PRRT2: variants seen among roughly 807,000 people sequenced by gnomAD.
The protein encoded by PRRT2 is proline rich transmembrane protein 2.
Under a neutral mutation model 24.7 loss-of-function variants are expected in PRRT2, and 9 were observed. The observed-to-expected ratio is 0.36, with a 90% CI of 0.22 to 0.64. PRRT2 has a LOEUF of 0.64. Ranked by LOEUF, PRRT2 falls within the 30% of genes least tolerant of loss-of-function variation. PRRT2 has a pLI of 0.65. For missense variants in PRRT2, 460 were observed against 435.0 expected, an observed-to-expected ratio of 1.06 and a Z score of -0.51; for synonymous variants, 195 against 175.5, an observed-to-expected ratio of 1.11 and a Z score of -0.88.
chr16:29,814,547 C>CCTGT lies in PRRT2; in HGVS notation c.1013-75_1013-72dup. On this transcript the variant is annotated intron_variant, in intron 3 of 3. Coordinates refer to ENST00000358758, the MANE Select transcript of PRRT2 (RefSeq NM_145239.3). This position sits in a 1 kb window ranked among gnomAD's most constrained non-coding sequence, Gnocchi z 4.1. The stretch of plus-strand genomic sequence containing the variant: ...TTACTAACCCCTGCCCCTGCTCTCT[C>CCTGT]CTGTCTGTCCTCCTTACCTCTCCTT... 1 of 1,610,716 alleles carries CCTGT rather than the reference C, an allele frequency of 6.2e-7. No homozygotes were observed. The highest frequency in any genetic ancestry group is 8.5e-7 in the Non-Finnish European group (1 of 1,178,178).
Position 29,813,357 on chromosome 16 carries a change from C to T in PRRT2, c.303C>T (p.Pro101=), listed in dbSNP as rs570325174. ...GGGAATCAAAGGCCAACTGCAGCCC[C>T]GAAGACCCATGCCAAGAAACAGTGT... ...PGGESKANCS[P]EDPCQETVSK... The change falls in exon 2 of 4, where the codon CCC becomes CCT. Residue 101 remains proline, a synonymous_variant. Coordinates refer to ENST00000358758, the MANE Select transcript of PRRT2 (RefSeq NM_145239.3). The T allele has an allele frequency of 2.9e-5, 46 of 1,613,970 alleles. No homozygotes were observed. The highest frequency in any genetic ancestry group is 4.0e-5 in the African/African-American group (3 of 74,888).
chr16:29,812,978 C>T lies in PRRT2; in HGVS notation c.-65-12C>T, dbSNP rs1046369752. The T allele has an allele frequency of 1.4e-6, 2 of 1,479,432 alleles. No individual in the cohort carries two copies. The highest frequency in any genetic ancestry group is 2.7e-5 in the South Asian group (2 of 74,694). 91.6% of individuals were successfully genotyped at this position (1,479,432 alleles called of 1,614,324 possible). A position where few individuals can be genotyped will look rare whatever the true frequency, so the allele number is the denominator to read the frequency against. ...TCCCTCCTCACCCCAAGCCTATCTCCTCCTCTTCCAGGGTTTGCCGCTGTC... is the reference window on the plus strand; with the variant it reads ...TCCCTCCTCACCCCAAGCCTATCTCTTCCTCTTCCAGGGTTTGCCGCTGTC... On this transcript the variant is annotated splice_polypyrimidine_tract_variant and intron_variant, in intron 1 of 3. Transcript: ENST00000358758.
At position 29,814,616 on chromosome 16, in the gene PRRT2, C is replaced by T. The variant is rs765953118; in HGVS notation, c.1013-12C>T. ...CCTCCCCCCGTCTGTCCTTCCCTCT[C>T]CTCTCCCACAGTGTATAAGTGAGGG... On this transcript the variant is annotated splice_polypyrimidine_tract_variant and intron_variant, in intron 3 of 3. Transcript: ENST00000358758. The surrounding 1 kb of genome is among the most constrained non-coding windows in gnomAD (Gnocchi z 4.1). 1 of 1,612,908 alleles carries T rather than the reference C, an allele frequency of 6.2e-7. No homozygotes were observed. Among genetic ancestry groups the T allele is most frequent in the Non-Finnish European group, 8.5e-7 (1 of 1,179,206 alleles).
rs1379925566 is a variant in PRRT2, at chr16:29,813,909, C to T, written c.855C>T (p.Ile285=). 9.4e-6 allele frequency: 15 copies of T among 1,602,470 alleles called. No homozygotes were observed. The highest frequency in any genetic ancestry group is 1.7e-5 in the Admixed American group (1 of 58,372). Residue 285 remains isoleucine, a synonymous_variant, in exon 2 of 4, where the codon ATC becomes ATT. Transcript: ENST00000358758. ...TCTGCCCCATGTGGCCTGTCAACAT[C>T]GTGGCCTTCGCTTATGCTGTCATGG... ...SCFCPMWPVN[I]VAFAYAVMSR... is the part of the protein sequence containing the mutation.
rs139516010 is a variant in PRRT2, at chr16:29,813,634, G to A, written c.580G>A (p.Glu194Lys). 265 of 1,613,070 alleles carry A rather than the reference G, an allele frequency of 1.6e-4. 1 individual carries two copies. The highest frequency in any genetic ancestry group is 2.1e-4 in the Non-Finnish European group (251 of 1,179,622). The change falls in exon 2 of 4, where the codon GAG becomes AAG. Residue 194 changes from glutamate (E) to lysine (K), a missense_variant. By Grantham distance (56) the Glu-to-Lys change is moderately conservative. Transcript: ENST00000358758. ...GCCCCTGCAGGCTGGTGATGGGGAA[G>A]AGGGCCCAGCCCCTGAGCCTCACTC... ...VVPLQAGDGE[E>K]GPAPEPHSPP... is the part of the protein sequence containing the mutation.
chr16:29,812,598 G>A lies in PRRT2; in HGVS notation c.-66+275G>A, dbSNP rs149664682. On this transcript the variant is annotated intron_variant, in intron 1 of 3. Coordinates refer to ENST00000358758, the MANE Select transcript of PRRT2 (RefSeq NM_145239.3). ...AAAACCCGCACCGCCTGGGAGCCCAGGGAGGAGGGGAGGATGCAGAGGGAG... is the reference window on the plus strand; with the variant it reads ...AAAACCCGCACCGCCTGGGAGCCCAAGGAGGAGGGGAGGATGCAGAGGGAG... The A allele has an allele frequency of 9.0e-3, 1,389 of 154,794 alleles. 21 individuals are homozygous for A. The highest frequency in any genetic ancestry group is 0.031 in the African/African-American group (1,307 of 41,622). The allele number at this position is 154,794 out of a possible 1,614,324, so 9.6% of individuals were successfully genotyped here. A position where few individuals can be genotyped will look rare whatever the true frequency, so the allele number is the denominator to read the frequency against.
rs866838115 is a variant in PRRT2 at position 29,814,385 on chromosome 16, G to A, written c.932G>A (p.Arg311Gln). The change falls in exon 3 of 4, where the codon CGG (arginine) becomes CAG (glutamine). Residue 311 changes from arginine (R) to glutamine (Q), a missense_variant. This residue lies in a region of PRRT2 where 64 missense variants were observed against 71.2 expected (regional missense o/e 0.90). Transcript: ENST00000358758. The surrounding 1 kb of genome is among the most constrained non-coding windows in gnomAD (Gnocchi z 4.1). ...GTGGACGGGGCCCAGCGTCTGGGCC[G>A]GGTAGCCAAGCTCTTAAGCATCGTG... ...GDVDGAQRLG[R>Q]VAKLLSIVAL... 1.2e-5 allele frequency: 19 copies of A among 1,610,784 alleles called. No homozygotes were observed. Among genetic ancestry groups the A allele is most frequent in the Admixed American group, 5.0e-5 (3 of 59,740 alleles).
rs1301400509 is a variant in PRRT2, at chr16:29,814,412, C to T, written c.959C>T (p.Ala320Val). ...GRVAKLLSIV[A>V]LVGGVLIIIA... ...GTAGCCAAGCTCTTAAGCATCGTGG[C>T]GCTGGTGGGGGGAGTCCTCATCATC... Residue 320 changes from alanine to valine, a missense_variant, in exon 3 of 4, where the codon GCG (alanine) becomes GTG (valine). Physicochemically the swap from Ala to Val is moderately conservative, Grantham distance 64 (BLOSUM62 0). Around this residue, in one of 3 missense-constraint regions of PRRT2, gnomAD observed 64 missense variants for 71.2 expected, o/e 0.90. Transcript: ENST00000358758. The surrounding 1 kb of genome is among the most constrained non-coding windows in gnomAD (Gnocchi z 4.1). 2 of 1,608,810 alleles carry T rather than the reference C, an allele frequency of 1.2e-6. No individual in the cohort carries two copies. Among genetic ancestry groups the T allele is most frequent in the Non-Finnish European group, 1.7e-6 (2 of 1,177,688 alleles).
In PRRT2 at chr16:29,813,529, G is replaced by A. The variant is rs1299006419; in HGVS notation, c.475G>A (p.Glu159Lys). 2 of 1,613,662 alleles carry A rather than the reference G, an allele frequency of 1.2e-6. No homozygotes were observed. Among genetic ancestry groups the A allele is most frequent in the South Asian group, 2.2e-5 (2 of 91,066 alleles). ...QPTPKPALQP[E>K]LPTQEDPTPE... ...TACCCCCAAGCCAGCCCTTCAACCA[G>A]AGCTCCCTACCCAGGAGGACCCCAC... Residue 159 changes from glutamate to lysine, a missense_variant, in exon 2 of 4, where the codon GAG (glutamate) becomes AAG (lysine). By Grantham distance (56) the Glu-to-Lys change is moderately conservative (BLOSUM62 1). Around this residue, in one of 3 missense-constraint regions of PRRT2, gnomAD observed 378 missense variants for 324.6 expected, o/e 1.16. Coordinates refer to ENST00000358758, the MANE Select transcript of PRRT2 (RefSeq NM_145239.3).
Position 29,814,219 on chromosome 16 carries a change from C to T in PRRT2, c.880-114C>T. ...CTTCACTCCTCCTTCCTCCCTTACC[C>T]GCCATCTATGGGGCTGGCCTCTCTC... is the stretch of plus-strand genomic sequence containing the variant. On this transcript the variant is annotated intron_variant, in intron 2 of 3. Coordinates refer to ENST00000358758, the MANE Select transcript of PRRT2 (RefSeq NM_145239.3). The surrounding 1 kb of genome is among the most constrained non-coding windows in gnomAD (Gnocchi z 4.1). 3 of 1,495,018 alleles carry T rather than the reference C, an allele frequency of 2.0e-6. No homozygotes were observed. The highest frequency in any genetic ancestry group is 1.3e-5 in the South Asian group (1 of 74,340). 92.6% of individuals were successfully genotyped at this position (1,495,018 alleles called of 1,614,324 possible). A position where few individuals can be genotyped will look rare whatever the true frequency, so the allele number is the denominator to read the frequency against.
chr16:29,812,769 A>G (rs527453668), intron 1 of PRRT2, among the ~76,000 whole-genome samples: 1 of 151,882 alleles, frequency 6.6e-6, no homozygotes, highest in East Asian at 1.9e-4. Flanking sequence ...CCTGTTTACA[A>G]AAGGGTTAAT....
In PRRT2 at chr16:29,813,024, A is replaced by T. The variant is rs1171003264; in HGVS notation, c.-31A>T. 6.4e-7 allele frequency: 1 copy of T among 1,566,208 alleles called. No homozygotes were observed. Among genetic ancestry groups the T allele is most frequent in the South Asian group, 1.2e-5 (1 of 82,562 alleles). The stretch of plus-strand genomic sequence containing the variant: ...CTGTCTCTGCTATTCCATCCTCCCC[A>T]TAGGGGCTCTCTCCCCTCTCCCATC... On this transcript the variant is annotated 5_prime_UTR_variant, in exon 2 of 4. Transcript: ENST00000358758.
At position 29,814,709 on chromosome 16, in the gene PRRT2, G is replaced by A. The variant is rs915309003; in HGVS notation, c.*71G>A. 16 of 1,532,640 alleles carry A rather than the reference G, an allele frequency of 1.0e-5. No homozygotes were observed. In the South Asian group the frequency reaches 1.9e-4, roughly 18 times the overall value. 94.9% of individuals were successfully genotyped at this position (1,532,640 alleles called of 1,614,324 possible). On this transcript the variant is annotated 3_prime_UTR_variant, in exon 4 of 4. Transcript: ENST00000358758. This position sits in a 1 kb window ranked among gnomAD's most constrained non-coding sequence, Gnocchi z 4.1. ...GCCTTGGGCCCATCCCTCCCCTGGG[G>A]GGAGCCCAACTGATGGCCCTGGCCC...
rs759699562 is a variant in PRRT2, at chr16:29,813,033, C to G, written c.-22C>G. On this transcript the variant is annotated 5_prime_UTR_variant, in exon 2 of 4. Transcript: ENST00000358758. Reference sequence around the variant, plus strand: ...CTATTCCATCCTCCCCATAGGGGCTCTCTCCCCTCTCCCATCTCAAGATGG... The same window carrying G: ...CTATTCCATCCTCCCCATAGGGGCTGTCTCCCCTCTCCCATCTCAAGATGG... 1 of 1,573,444 alleles carries G rather than the reference C, an allele frequency of 6.4e-7. No homozygotes were observed.
Position 29,814,208 on chromosome 16 carries a change from C to T in PRRT2, c.880-125C>T, listed in dbSNP as rs1567380325. ...TCCCCCTGCCCCTTCACTCCTCCTT[C>T]CTCCCTTACCCGCCATCTATGGGGC... On this transcript the variant is annotated intron_variant, in intron 2 of 3. Transcript: ENST00000358758. The surrounding 1 kb of genome is among the most constrained non-coding windows in gnomAD (Gnocchi z 4.1). 8.0e-6 allele frequency: 12 copies of T among 1,495,094 alleles called. 1 individual carries two copies. The South Asian group carries it at 1.1e-4, about 13-fold the overall frequency. 92.6% of individuals were successfully genotyped at this position (1,495,094 alleles called of 1,614,324 possible). A position where few individuals can be genotyped will look rare whatever the true frequency, so the allele number is the denominator to read the frequency against.
rs765182538 is a variant in PRRT2, at chr16:29,814,530, C to G, written c.1012+65C>G. On this transcript the variant is annotated intron_variant, in intron 3 of 3. Coordinates refer to ENST00000358758, the MANE Select transcript of PRRT2 (RefSeq NM_145239.3). The surrounding 1 kb of genome is among the most constrained non-coding windows in gnomAD (Gnocchi z 4.1). ...GGTTGGCAAGGGCAGCTTTACTAAC[C>G]CCTGCCCCTGCTCTCTCCTGTCTGT... 6.2e-7 allele frequency: 1 copy of G among 1,607,688 alleles called. No homozygotes were observed. Among genetic ancestry groups the G allele is most frequent in the East Asian group, 2.2e-5 (1 of 44,828 alleles).
rs746997720 is a variant in PRRT2, at chr16:29,813,356, C to A, written c.302C>A (p.Pro101His). The A allele has an allele frequency of 3.1e-6, 5 of 1,613,988 alleles. No homozygotes were observed. In the African/African-American group the frequency reaches 6.7e-5, roughly 22 times the overall value. Residue 101 changes from proline to histidine, a missense_variant, in exon 2 of 4, where the codon CCC becomes CAC. Physicochemically the swap from Pro to His is moderately conservative, Grantham distance 77 (BLOSUM62 -2). Around this residue, in one of 3 missense-constraint regions of PRRT2, gnomAD observed 378 missense variants for 324.6 expected, o/e 1.16. Transcript: ENST00000358758. Reference sequence around the variant, plus strand: ...GGGGAATCAAAGGCCAACTGCAGCCCCGAAGACCCATGCCAAGAAACAGTG... The same window carrying A: ...GGGGAATCAAAGGCCAACTGCAGCCACGAAGACCCATGCCAAGAAACAGTG... ...PGGESKANCS[P>H]EDPCQETVSK...
chr16:29,813,675 A>AC lies in PRRT2; in HGVS notation c.621_622insC (p.Ser208LeufsTer17). 1 of 1,379,964 alleles carries AC rather than the reference A, an allele frequency of 7.2e-7. No homozygotes were observed. 85.5% of individuals were successfully genotyped at this position (1,379,964 alleles called of 1,614,324 possible). On this transcript the variant is annotated frameshift_variant, in exon 2 of 4. Coordinates refer to ENST00000358758, the MANE Select transcript of PRRT2 (RefSeq NM_145239.3). LOFTEE classifies it high-confidence loss of function. ...AGCCTCACTCACCACCCTCAAAAAA[A>AC]TCCCCCCCAGCCAATGGGGCCCCCC...
rs945627261 is a variant in PRRT2 at position 29,814,408 on chromosome 16, G to A, written c.955G>A (p.Val319Met). 1.2e-6 allele frequency: 2 copies of A among 1,609,432 alleles called. 1 individual carries two copies. Among genetic ancestry groups the A allele is most frequent in the South Asian group, 2.2e-5 (2 of 90,502 alleles). ...CCGGGTAGCCAAGCTCTTAAGCATC[G>A]TGGCGCTGGTGGGGGGAGTCCTCAT... ...LGRVAKLLSI[V>M]ALVGGVLIII... Residue 319 changes from valine (V) to methionine (M), a missense_variant, in exon 3 of 4, where the codon GTG becomes ATG. Val to Met is a conservative substitution (Grantham distance 21, BLOSUM62 1). This residue lies in a region of PRRT2 where 64 missense variants were observed against 71.2 expected (regional missense o/e 0.90). Coordinates refer to ENST00000358758, the MANE Select transcript of PRRT2 (RefSeq NM_145239.3). The surrounding 1 kb of genome is among the most constrained non-coding windows in gnomAD (Gnocchi z 4.1).
Sources: gnomAD v4.1 joint callset for allele counts (sites outside exome capture counted in the v4.1 genomes callset) on GRCh38, gnomAD v4.1.1 for gene constraint, gnomAD v4.1.1 regional missense constraint, Gnocchi (gnomAD v3.1) non-coding constraint, MANE v1.5 for transcripts, NCBI Gene and HGNC (gene_info 2026-07-23, HGNC 2026-07-21) for gene names.